Variants in SUCLG2 observed in about 807,000 individuals in gnomAD.
The protein encoded by SUCLG2 is succinate-CoA ligase GDP-forming subunit beta, also known as succinate--CoA ligase [GDP-forming] subunit beta, mitochondrial.
In SUCLG2, 42 loss-of-function variants were observed where a neutral mutation model predicts 47.9. That is an observed-to-expected ratio of 0.88 (90% CI 0.69 to 1.14). The LOEUF (loss-of-function observed/expected upper bound fraction) is 1.14. SUCLG2 is among the 50% of genes most tolerant of loss of function. SUCLG2 has a pLI of 0.00. For synonymous variants in SUCLG2, 195 were observed against 197.3 expected (o/e 0.99, Z 0.10); for missense variants, 571 against 525.9 (o/e 1.09, Z -0.84).
chr3:67,573,511 G>T (rs1336744791), intron 2 of SUCLG2, among the ~76,000 whole-genome samples: 1 of 152,136 alleles, frequency 6.6e-6, no homozygotes, highest in Admixed American at 6.5e-5. Flanking sequence ...TTAACACAAT[G>T]TATTATCTTA....
At chr3:67,509,907 G>A (rs530493606) in intron 6 of SUCLG2, among the ~76,000 whole-genome samples, 89 of 152,306 alleles carry the variant, frequency 5.8e-4, no homozygotes, top group African/African-American at 2.1e-3. Flanking sequence ...CTAGGTTCCT[G>A]GGTCAGCTGG....
chr3:67,520,814 CT>C (rs1706081308), intron 4 of SUCLG2, among the ~76,000 whole-genome samples, 180 bp from the exon 5 acceptor site: 1 of 152,178 alleles, frequency 6.6e-6, no homozygotes, highest in African/African-American at 2.4e-5. Context: ...CCATTTTCAC[CT>C]CCTTAATTTT....
rs1201220718 is a variant in SUCLG2 at position 67,430,795 on chromosome 3, A to C, written c.1063-29944T>G. ...ATGACCACCGATCCCACAGAAATAAAAACTACCATCAGAGAATACTATAAA... is the reference window on the plus strand; with the variant it reads ...ATGACCACCGATCCCACAGAAATAACAACTACCATCAGAGAATACTATAAA... On this transcript the variant is annotated intron_variant, in intron 9 of 10. Coordinates refer to ENST00000307227, the MANE Select transcript of SUCLG2 (RefSeq NM_003848.4). 2.6e-5 allele frequency among the ~76,000 whole-genome samples: 4 copies of C among 152,352 alleles called. No homozygotes were observed. The South Asian group carries it at 8.3e-4, about 32-fold the overall frequency.
At chr3:67,413,906 C>T (rs930126057) in intron 9 of SUCLG2, among the ~76,000 whole-genome samples, 3 of 152,176 alleles carry the variant, frequency 2.0e-5, no homozygotes, top group Non-Finnish European at 4.4e-5. Flanking sequence ...ACATGTTTCT[C>T]AGTGTGGGTT....
intron 1 of SUCLG2, among the ~76,000 whole-genome samples, chr3:67,617,945 A>C (rs1445952237): frequency 6.6e-6 from 1 of 152,176 alleles, no homozygotes; most frequent in Non-Finnish European, 1.5e-5. Context: ...TGATCATATA[A>C]ATAATTTTGT....
rs759650687 is a variant in SUCLG2 at position 67,654,559 on chromosome 3, C to T, written c.28G>A (p.Gly10Arg). The change falls in exon 1 of 11, where the codon GGG becomes AGG. Residue 10 changes from glycine to arginine, a missense_variant. Physicochemically the swap from Gly to Arg is moderately radical, Grantham distance 125. Transcript: ENST00000307227. Reference sequence around the variant, plus strand: ...AGCGCTAGGGCTCGCAGAAGCTTCCCGGCCTGCGCTGCTACGGGGGACGCC... The same window carrying T: ...AGCGCTAGGGCTCGCAGAAGCTTCCTGGCCTGCGCTGCTACGGGGGACGCC... Reference protein sequence around the residue: MASPVAAQAGKLLRALALRP... With the variant: MASPVAAQARKLLRALALRP... 4 of 1,272,732 alleles carry T rather than the reference C, an allele frequency of 3.1e-6. No homozygotes were observed. Among genetic ancestry groups the T allele is most frequent in the Admixed American group, 3.5e-5 (1 of 28,674 alleles). The allele number at this position is 1,272,732 out of a possible 1,614,324, so 78.8% of individuals were successfully genotyped here.
chr3:67,614,294 G>A (rs1386949523), intron 1 of SUCLG2, among the ~76,000 whole-genome samples: 1 of 151,962 alleles, frequency 6.6e-6, no homozygotes, highest in African/African-American at 2.4e-5. Flanking sequence ...GAACAGTAGG[G>A]GGAAGACACC....
intron 9 of SUCLG2, among the ~76,000 whole-genome samples, chr3:67,407,186 C>T (rs1284258871): frequency 6.6e-6 from 1 of 152,176 alleles, no homozygotes; most frequent in African/African-American, 2.4e-5. Flanking sequence ...CAACAACAAG[C>T]GGTGAGCCAG....
intron 1 of SUCLG2, among the ~76,000 whole-genome samples, chr3:67,613,932 T>C (rs375636089): frequency 1.9e-4 from 29 of 152,300 alleles, no homozygotes; most frequent in African/African-American, 6.3e-4. Context: ...AATAGGACTT[T>C]CACGAAATGC....
chr3:67,405,742 T>C (rs1297804839), intron 9 of SUCLG2, among the ~76,000 whole-genome samples: 1 of 152,198 alleles, frequency 6.6e-6, no homozygotes, highest in Non-Finnish European at 1.5e-5. Flanking sequence ...TTTGTCTGAA[T>C]GTGTATTTTT....
intron 9 of SUCLG2, among the ~76,000 whole-genome samples, chr3:67,480,825 G>C (rs1168330546): frequency 6.6e-6 from 1 of 152,186 alleles, no homozygotes; most frequent in African/African-American, 2.4e-5. Context: ...GGGAAGACAG[G>C]ATCCAAGTGA....
chr3:67,454,880 T>G (rs1403935410), intron 9 of SUCLG2, among the ~76,000 whole-genome samples: 1 of 148,746 alleles, frequency 6.7e-6, no homozygotes, highest in African/African-American at 2.5e-5. Context: ...GAGAATGGCG[T>G]GAACCTGGGA....
chr3:67,642,755 A>G (rs548479096), intron 1 of SUCLG2, among the ~76,000 whole-genome samples: 12 of 152,334 alleles, frequency 7.9e-5, no homozygotes, highest in Admixed American at 5.2e-4. Context: ...TGTGCTTGAT[A>G]AACATCAGGT....
intron 9 of SUCLG2, among the ~76,000 whole-genome samples, chr3:67,425,425 C>T (rs768177898): frequency 3.3e-5 from 5 of 152,084 alleles, no homozygotes; most frequent in African/African-American, 9.7e-5. Context: ...AGTGTTTCCA[C>T]AAGAGATTAG....
intron 9 of SUCLG2, among the ~76,000 whole-genome samples, chr3:67,409,297 C>T (rs566047957): frequency 2.0e-5 from 3 of 152,220 alleles, no homozygotes; most frequent in Admixed American, 2.0e-4. Flanking sequence ...ATAGCTCCTC[C>T]TCTCCATGTC....
intron 9 of SUCLG2, among the ~76,000 whole-genome samples, chr3:67,424,297 T>C (rs1703245190): frequency 6.6e-6 from 1 of 152,208 alleles, no homozygotes. Flanking sequence ...AAGCCCAATT[T>C]ACCACTTTCT....
intron 2 of SUCLG2, among the ~76,000 whole-genome samples, chr3:67,594,639 C>T (rs1479619437): frequency 6.6e-6 from 1 of 152,208 alleles, no homozygotes; most frequent in Non-Finnish European, 1.5e-5. Flanking sequence ...TCTGCATCCT[C>T]ACCAAGCTCA....
intron 9 of SUCLG2, among the ~76,000 whole-genome samples, chr3:67,483,836 T>C (rs559750228): frequency 6.6e-6 from 1 of 152,160 alleles, no homozygotes; most frequent in African/African-American, 2.4e-5. Flanking sequence ...TCATTCTTGC[T>C]GTGGAATGAA....
chr3:67,592,067 C>G (rs1708178942), intron 2 of SUCLG2, among the ~76,000 whole-genome samples: 1 of 152,148 alleles, frequency 6.6e-6, no homozygotes, highest in African/African-American at 2.4e-5. Context: ...CAGCAACAAT[C>G]TGATTCAAGA....
Sources: allele counts gnomAD v4.1 joint callset (sites outside exome capture counted in the v4.1 genomes callset), GRCh38; gene constraint gnomAD v4.1.1; transcripts MANE v1.5; gene names NCBI Gene and HGNC (gene_info 2026-07-23, HGNC 2026-07-21).